Variants in DYNC2H1 observed in about 807,000 individuals in gnomAD.
DYNC2H1 encodes cytoplasmic dynein 2 heavy chain 1.
A neutral mutation model predicts 570.0 loss-of-function variants in DYNC2H1; 410 were observed. The observed-to-expected ratio is 0.72, with a 90% CI of 0.66 to 0.78. The LOEUF is 0.78. Among genes scored for constraint, DYNC2H1 ranks in the 30% least tolerant of loss-of-function variants. The pLI is 0.00. For missense variants in DYNC2H1, 4,865 were observed against 5,046.4 expected (o/e 0.96, Z 1.09); for synonymous variants, 1,688 against 1,677.6 (o/e 1.01, Z -0.15).
intron 85 of DYNC2H1, 125 bp from the exon 86 acceptor site, chr11:103,455,061 A>G: frequency 1.6e-6 from 1 of 616,614 alleles, no homozygotes; most frequent in South Asian, 2.7e-5. Flanking sequence ...TGTTATATAT[A>G]TATTTTCTAG....
intron 45 of DYNC2H1, among the ~76,000 whole-genome samples, chr11:103,190,706 G>A (rs1362777472): frequency 2.0e-5 from 3 of 152,062 alleles, no homozygotes; most frequent in African/African-American, 7.2e-5. Context: ...AAGATGTTAA[G>A]TAATCAAGAT....
In DYNC2H1 at chr11:103,289,197, A is replaced by G. The variant is rs1866489239; in HGVS notation, c.11095+1592A>G. Among the ~76,000 whole-genome samples the G allele has an allele frequency of 6.6e-6, 1 of 152,124 alleles. No homozygotes were observed. The highest frequency in any genetic ancestry group is 1.5e-5 in the Non-Finnish European group (1 of 68,030). On this transcript the variant is annotated intron_variant, in intron 75 of 88. Transcript: ENST00000375735. The surrounding 1 kb of genome is among the most constrained non-coding windows in gnomAD (Gnocchi z 4.2). ...CACTTCCTAAGCCCCTACTCACCAA[A>G]TCGTCTTTAAAAACTCTGATCCTGA...
intron 85 of DYNC2H1, among the ~76,000 whole-genome samples, chr11:103,438,897 G>A (rs1944158635): frequency 6.6e-6 from 1 of 152,022 alleles, no homozygotes; most frequent in Non-Finnish European, 1.5e-5. Flanking sequence ...TAGTTCCAGT[G>A]ACTCAGGAGA....
intron 82 of DYNC2H1, among the ~76,000 whole-genome samples, chr11:103,349,291 T>A (rs992827498): frequency 2.0e-5 from 3 of 152,170 alleles, no homozygotes; most frequent in African/African-American, 7.2e-5. Flanking sequence ...GATATTATTT[T>A]AAAAAATAAA....
rs1052701629 is a variant in DYNC2H1 at position 103,125,124 on chromosome 11, G to C, written c.1686G>C (p.Met562Ile). 1.9e-6 allele frequency: 3 copies of C among 1,612,910 alleles called. No individual in the cohort carries two copies. The highest frequency in any genetic ancestry group is 2.5e-6 in the Non-Finnish European group (3 of 1,179,458). Residue 562 changes from methionine to isoleucine, a missense_variant, in exon 12 of 89, where the codon ATG becomes ATC. This residue lies in a region of DYNC2H1 where 1,936 missense variants were observed against 1,962.1 expected (regional missense o/e 0.99). Coordinates refer to ENST00000375735, the MANE Select transcript of DYNC2H1 (RefSeq NM_001377.3). The part of the protein sequence containing the change: ...GLCIEASSRI[M>I]ELDSNDGLLK... ...GTATTGAGGCTAGTAGTCGAATTAT[G>C]GAATTGGATTCTAATGATGGATTAC...
chr11:103,127,336 C>T (rs1859053100), intron 12 of DYNC2H1, among the ~76,000 whole-genome samples: 1 of 152,072 alleles, frequency 6.6e-6, no homozygotes, highest in Admixed American at 6.5e-5. Context: ...TATTTCTGAG[C>T]AGAATTTAGC....
chr11:103,180,432 T>A (rs988713997), intron 39 of DYNC2H1, among the ~76,000 whole-genome samples: 1 of 151,694 alleles, frequency 6.6e-6, no homozygotes, highest in Non-Finnish European at 1.5e-5. Context: ...ACTATTAATA[T>A]TTAGCAGAAA....
At chr11:103,317,548 G>A (rs1035112883) in intron 80 of DYNC2H1, among the ~76,000 whole-genome samples, 10 of 152,092 alleles carry the variant, frequency 6.6e-5, no homozygotes, top group African/African-American at 2.4e-4. Context: ...AACAACTTTA[G>A]TTTTTAGAAA....
At chr11:103,146,195 A>C (rs559558562) in intron 18 of DYNC2H1, among the ~76,000 whole-genome samples, 1 of 152,340 alleles carries the variant, frequency 6.6e-6, no homozygotes, top group Admixed American at 6.5e-5. Context: ...TTATATTTTC[A>C]AATAAAATGG....
At chr11:103,190,235 A>G (rs1260239083) in intron 45 of DYNC2H1, among the ~76,000 whole-genome samples, 1 of 152,192 alleles carries the variant, frequency 6.6e-6, no homozygotes, top group East Asian at 1.9e-4. Flanking sequence ...CTTCCTAGAT[A>G]AAATGGGGAA....
intron 13 of DYNC2H1, among the ~76,000 whole-genome samples, chr11:103,131,445 G>A (rs573474779): frequency 6.6e-6 from 1 of 152,106 alleles, no homozygotes; most frequent in Admixed American, 6.5e-5. Context: ...CCACCACCAT[G>A]CCCAGCTAAT....
intron 55 of DYNC2H1, among the ~76,000 whole-genome samples, chr11:103,217,215 CT>C (rs1177201685): frequency 9.0e-4 from 17 of 18,886 alleles, no homozygotes; most frequent in Middle Eastern, 0.012. Flanking sequence ...GTTAGGATTT[CT>C]TTTTTTTTTT....
chr11:103,468,395 A>AGT (rs1945265266), intron 87 of DYNC2H1, 194 bp from the exon 88 acceptor site: 1 of 419,430 alleles, frequency 2.4e-6, no homozygotes, highest in Non-Finnish European at 4.2e-6. Context: ...ATGAGAAATC[A>AGT]GTCTCAAAGA....
intron 83 of DYNC2H1, among the ~76,000 whole-genome samples, chr11:103,398,152 C>T (rs1395887123): frequency 2.6e-5 from 4 of 152,008 alleles, no homozygotes; most frequent in Non-Finnish European, 5.9e-5. Context: ...TCCAGGAACC[C>T]TGTTTTAATA....
In DYNC2H1 at chr11:103,145,107, T is replaced by G. The variant is rs537611484; in HGVS notation, c.2702+1712T>G. On this transcript the variant is annotated intron_variant, in intron 18 of 88. Coordinates refer to ENST00000375735, the MANE Select transcript of DYNC2H1 (RefSeq NM_001377.3). This position sits in a 1 kb window ranked among gnomAD's most constrained non-coding sequence, Gnocchi z 4.2. The stretch of plus-strand genomic sequence containing the variant: ...TGTTGGCCAGGCTGGTCTCCAACTC[T>G]TGACCTCAGGTGATCTGCCCACCTT... Among the ~76,000 whole-genome samples the G allele has an allele frequency of 6.6e-6, 1 of 152,150 alleles. No individual in the cohort carries two copies. The highest frequency in any genetic ancestry group is 1.9e-4 in the East Asian group (1 of 5,156).
chr11:103,288,832 TATC>T (rs890641549), intron 75 of DYNC2H1, among the ~76,000 whole-genome samples: 26 of 139,162 alleles, frequency 1.9e-4, no homozygotes, highest in African/African-American at 7.2e-4. Context: ...AATGAGGAGA[TATC>T]ATACCGCTGC....
chr11:103,184,704 C>G (rs907873220), intron 40 of DYNC2H1, among the ~76,000 whole-genome samples, 192 bp from the exon 41 acceptor site: 4 of 151,878 alleles, frequency 2.6e-5, no homozygotes, highest in African/African-American at 9.7e-5. Flanking sequence ...TATGATTGTA[C>G]TTTCATGATT....
intron 84 of DYNC2H1, among the ~76,000 whole-genome samples, chr11:103,429,127 G>T (rs1167554320): frequency 6.6e-6 from 1 of 151,980 alleles, no homozygotes; most frequent in Non-Finnish European, 1.5e-5. Context: ...CAGGTATGGT[G>T]GTGGGTGCCT....
At chr11:103,284,461 G>A (rs1477826232) in intron 73 of DYNC2H1, among the ~76,000 whole-genome samples, 3 of 152,146 alleles carry the variant, frequency 2.0e-5, no homozygotes, top group Non-Finnish European at 4.4e-5. Context: ...ATTGTAGAGA[G>A]CATATCAAAT....
Sources: allele counts gnomAD v4.1 joint callset (sites outside exome capture counted in the v4.1 genomes callset), GRCh38; gene constraint gnomAD v4.1.1; regional missense constraint gnomAD v4.1.1; non-coding constraint Gnocchi (gnomAD v3.1); transcripts MANE v1.5; gene names NCBI Gene and HGNC (gene_info 2026-07-23, HGNC 2026-07-21).